CFHR2: variants seen among roughly 807,000 people sequenced by gnomAD.
The protein encoded by CFHR2 is complement factor H related 2, also known as complement factor H-related protein 2.
CFHR2 carries 22 observed loss-of-function variants against 21.7 expected under a neutral mutation model. The ratio of observed to expected loss-of-function variants is 1.01; its 90% CI spans 0.72 to 1.45. CFHR2 has a LOEUF of 1.45. CFHR2 is among the 40% of genes most tolerant of loss of function. The probability of loss-of-function intolerance (pLI) is 0.00; values close to 1 mark genes in which losing one functional copy is unlikely to be tolerated. For synonymous variants in CFHR2, 98 were observed against 97.4 expected (o/e 1.01, Z -0.04); for missense variants, 294 against 293.3 (o/e 1.00, Z -0.02).
chr1:196,952,097 C>A (rs1435581105), intron 3 of CFHR2, among the ~76,000 whole-genome samples: 1 of 151,960 alleles, frequency 6.6e-6, no homozygotes, highest in African/African-American at 2.4e-5. Context: ...AATATTATTC[C>A]ACACCTTTAA....
At chr1:196,952,251 G>A (rs1652634843) in intron 3 of CFHR2, among the ~76,000 whole-genome samples, 1 of 152,066 alleles carries the variant, frequency 6.6e-6, no homozygotes, top group Non-Finnish European at 1.5e-5. Context: ...ACTTCAACCT[G>A]GGCAACAGAG....
chr1:196,953,638 A>G (rs1652739657), intron 3 of CFHR2, among the ~76,000 whole-genome samples: 1 of 152,214 alleles, frequency 6.6e-6, no homozygotes, highest in Non-Finnish European at 1.5e-5. Flanking sequence ...TTAAAAGATG[A>G]TAATCAATAA....
chr1:196,950,754 T>C, intron 2 of CFHR2, 98 bp from the exon 3 acceptor site: 1 of 1,378,778 alleles, frequency 7.3e-7, no homozygotes, highest in Non-Finnish European at 1.0e-6. Context: ...ATTACCAGCT[T>C]GAGCCACTTC....
At chr1:196,950,288 A>G (rs763392015) in intron 2 of CFHR2, among the ~76,000 whole-genome samples, 4 of 152,186 alleles carry the variant, frequency 2.6e-5, no homozygotes, top group African/African-American at 7.2e-5. Flanking sequence ...ATAAACATAA[A>G]ATATTTTATT....
In CFHR2 at chr1:196,952,660, G is replaced by C. The variant is rs149499330; in HGVS notation, c.430+1632G>C. Among the ~76,000 whole-genome samples, 95 of 152,274 alleles carry C rather than the reference G, an allele frequency of 6.2e-4. 2 individuals are homozygous for C. In the East Asian group the frequency reaches 0.017, roughly 27 times the overall value. On this transcript the variant is annotated intron_variant, in intron 3 of 4. Coordinates refer to ENST00000367415, the MANE Select transcript of CFHR2 (RefSeq NM_005666.4). ...AGTCTGTAAGACTTTGTTAGGCTTTGATTAAGTCTGTTGCTTTGTGACACA... is the reference window on the plus strand; with the variant it reads ...AGTCTGTAAGACTTTGTTAGGCTTTCATTAAGTCTGTTGCTTTGTGACACA...
intron 1 of CFHR2, among the ~76,000 whole-genome samples, chr1:196,948,251 T>C (rs1161678354): frequency 2.0e-5 from 3 of 151,910 alleles, no homozygotes. Context: ...CCTGTGTATA[T>C]CCTCCCAAAC....
chr1:196,945,321 A>G (rs1659435307), intron 1 of CFHR2, among the ~76,000 whole-genome samples: 1 of 145,970 alleles, frequency 6.9e-6, no homozygotes, highest in South Asian at 2.2e-4. Flanking sequence ...ATGGCATTAC[A>G]TGAGGATTTC....
At chr1:196,947,984 G>A (rs976054745) in intron 1 of CFHR2, among the ~76,000 whole-genome samples, 2 of 151,944 alleles carry the variant, frequency 1.3e-5, no homozygotes, top group African/African-American at 4.8e-5. Context: ...AAAATATAAA[G>A]TCTTATAAAA....
In CFHR2 at chr1:196,958,006, T is replaced by A. The variant is rs1455998594; in HGVS notation, c.546T>A (p.Tyr182Ter). 2 of 1,613,800 alleles carry A rather than the reference T, an allele frequency of 1.2e-6. No homozygotes were observed. The highest frequency in any genetic ancestry group is 1.7e-6 in the Non-Finnish European group (2 of 1,179,770). The change falls in exon 4 of 5, where the codon TAT (tyrosine) becomes TAA (stop). Residue 182 changes from tyrosine to a stop codon, truncating the protein, a stop_gained. Transcript: ENST00000367415. LOFTEE classifies it high-confidence loss of function. ...SSVEYQCQNL[Y>*]QLEGNNQITC... ...TTGAGTACCAGTGCCAGAACTTGTA[T>A]CAACTTGAGGGTAACAATCAAATAA...
chr1:196,954,372 A>C (rs954087723), intron 3 of CFHR2, among the ~76,000 whole-genome samples: 2 of 152,228 alleles, frequency 1.3e-5, no homozygotes, highest in African/African-American at 2.4e-5. Flanking sequence ...TGCAGGGTTC[A>C]GCCCCCAGGG....
chr1:196,948,894 T>C (rs1302741951), intron 1 of CFHR2, among the ~76,000 whole-genome samples: 1 of 152,158 alleles, frequency 6.6e-6, no homozygotes, highest in African/African-American at 2.4e-5. Context: ...GATTTTCTTA[T>C]ATTCTCTCAA....
chr1:196,956,824 A>T lies in CFHR2; in HGVS notation c.431-1067A>T, dbSNP rs184270666. 2.0e-5 allele frequency among the ~76,000 whole-genome samples: 3 copies of T among 152,212 alleles called. No homozygotes were observed. The East Asian group carries it at 5.8e-4, about 29-fold the overall frequency. ...AATATGAAGAGTAATTTTTAAATTT[A>T]TTCTAGATATTTTAGGTGTTATATT... On this transcript the variant is annotated intron_variant, in intron 3 of 4. Transcript: ENST00000367415.
At chr1:196,954,756 C>T (rs924091576) in intron 3 of CFHR2, among the ~76,000 whole-genome samples, 5 of 152,206 alleles carry the variant, frequency 3.3e-5, no homozygotes, top group African/African-American at 9.7e-5. Flanking sequence ...TCGAGGTTTG[C>T]ACCTTCTGAA....
At chr1:196,952,474 T>C (rs1298549147) in intron 3 of CFHR2, among the ~76,000 whole-genome samples, 2 of 152,232 alleles carry the variant, frequency 1.3e-5, no homozygotes, top group Non-Finnish European at 2.9e-5. Flanking sequence ...TTAGGATTTA[T>C]AGCCTTCAGT....
chr1:196,946,017 G>A (rs1659470153), intron 1 of CFHR2, among the ~76,000 whole-genome samples: 2 of 151,810 alleles, frequency 1.3e-5, no homozygotes, highest in South Asian at 4.2e-4. Context: ...GGCAACTGTA[G>A]CACAATTGTA....
At chr1:196,947,169 A>G (rs1659537646) in intron 1 of CFHR2, among the ~76,000 whole-genome samples, 1 of 151,822 alleles carries the variant, frequency 6.6e-6, no homozygotes, top group Admixed American at 6.6e-5. Flanking sequence ...CAGAAGAAAT[A>G]TATTCATAAT....
rs115541863 is a variant in CFHR2, at chr1:196,951,035, G to T, written c.430+7G>T. The T allele has an allele frequency of 1.2e-6, 2 of 1,613,912 alleles. No homozygotes were observed. The highest frequency in any genetic ancestry group is 2.2e-5 in the South Asian group (2 of 91,068). ...CCCAAATGCAGGTCCACTAGTAAGTGCAATGTTGTTCTCTCAGATGCTGTT... is the reference window on the plus strand; with the variant it reads ...CCCAAATGCAGGTCCACTAGTAAGTTCAATGTTGTTCTCTCAGATGCTGTT... On this transcript the variant is annotated splice_region_variant and intron_variant, in intron 3 of 4. Transcript: ENST00000367415.
intron 1 of CFHR2, among the ~76,000 whole-genome samples, chr1:196,947,586 T>C (rs1292277453): frequency 2.0e-5 from 3 of 152,190 alleles, no homozygotes; most frequent in African/African-American, 7.2e-5. Flanking sequence ...ATATTTCAAA[T>C]ATTGTGCAAC....
rs763969033 is a variant in CFHR2, at chr1:196,957,885, TTTTAG to T, written c.431-2_433del. The T allele has an allele frequency of 2.5e-6, 4 of 1,608,632 alleles. No homozygotes were observed. Among genetic ancestry groups the T allele is most frequent in the Non-Finnish European group, 3.4e-6 (4 of 1,177,420 alleles). On this transcript the variant is annotated splice_acceptor_variant and splice_polypyrimidine_tract_variant and intron_variant, in intron 3 of 4. Transcript: ENST00000367415. LOFTEE classifies it high-confidence loss of function. ...TCTCCCAGTAAATCAAATGATGTTTTTTTAGTTTCTGCAGAAAAATGTGGGCCCCC... is the reference window on the plus strand; with the variant it reads ...TCTCCCAGTAAATCAAATGATGTTTTTTTCTGCAGAAAAATGTGGGCCCCC...
Sources: allele counts gnomAD v4.1 joint callset (sites outside exome capture counted in the v4.1 genomes callset), GRCh38; gene constraint gnomAD v4.1.1; transcripts MANE v1.5; gene names NCBI Gene and HGNC (gene_info 2026-07-23, HGNC 2026-07-21).